The following NAPB variants were observed in gnomAD, a reference collection of about 807,000 sequenced individuals.
NAPB encodes the protein NSF attachment protein beta, also known as beta-soluble NSF attachment protein.
A neutral mutation model predicts 44.7 loss-of-function variants in NAPB; 26 were observed. The ratio of observed to expected loss-of-function variants is 0.58; its 90% CI spans 0.43 to 0.81. The LOEUF (loss-of-function observed/expected upper bound fraction) is 0.81. Among genes scored for constraint, NAPB ranks in the 30% least tolerant of loss-of-function variants. The pLI is 0.00. For missense variants in NAPB, 315 were observed against 356.4 expected (o/e 0.88, Z 0.94); for synonymous variants, 120 against 116.8 (o/e 1.03, Z -0.18).
chr20:23,388,734 T>G (rs1328772695), intron 7 of NAPB, among the ~76,000 whole-genome samples: 1 of 152,148 alleles, frequency 6.6e-6, no homozygotes, highest in African/African-American at 2.4e-5. Context: ...GACCCTTACC[T>G]CATACTATAT....
chr20:23,417,183 A>C (rs760213627), intron 1 of NAPB, among the ~76,000 whole-genome samples: 1 of 150,996 alleles, frequency 6.6e-6, no homozygotes, highest in Non-Finnish European at 1.5e-5. Context: ...TCCAAGGTTC[A>C]AGTGATTCTC....
intron 1 of NAPB, among the ~76,000 whole-genome samples, chr20:23,411,669 T>G (rs183652870): frequency 7.6e-4 from 115 of 151,614 alleles, no homozygotes; most frequent in Admixed American, 2.4e-3. Context: ...GAACAAGAGA[T>G]GTAGAACGTG....
At chr20:23,389,175 T>A (rs1368671409) in intron 7 of NAPB, among the ~76,000 whole-genome samples, 3 of 104,188 alleles carry the variant, frequency 2.9e-5, no homozygotes, top group South Asian at 3.0e-4. Flanking sequence ...ATTAGGGAAA[T>A]AACAATCAAA....
At chr20:23,391,272 T>C (rs1048260803) in intron 5 of NAPB, among the ~76,000 whole-genome samples, 8 of 152,066 alleles carry the variant, frequency 5.3e-5, no homozygotes, top group African/African-American at 1.9e-4. Flanking sequence ...GATCGCGCCA[T>C]TGCACTCCAG....
At chr20:23,402,466 A>T (rs6137933) in intron 2 of NAPB, among the ~76,000 whole-genome samples, 86,170 of 151,994 alleles carry the variant, frequency 0.57, 26,253 homozygotes, top group East Asian at 0.88. Flanking sequence ...AAAATAACCA[A>T]GAGTCTATTG....
Position 23,389,230 on chromosome 20 carries a change from T to TAAA in NAPB, c.561+715_561+716insTTT, listed in dbSNP as rs202242386. Among the ~76,000 whole-genome samples, 25 of 101,096 alleles carry TAAA rather than the reference T, an allele frequency of 2.5e-4. 1 individual carries two copies. The East Asian group carries it at 4.5e-3, about 18-fold the overall frequency. The allele number at this position is 101,096 out of a possible 152,430, so 66.3% of individuals were successfully genotyped here. ...TCACACTCATTAGGGTGACTATTAT[T>TAAA]TAAAAAAAAAAAAAAAAAAAAACCA... is the stretch of plus-strand genomic sequence containing the variant. On this transcript the variant is annotated intron_variant, in intron 7 of 10. Transcript: ENST00000377026.
chr20:23,413,010 G>A (rs190234909), intron 1 of NAPB, among the ~76,000 whole-genome samples: 1 of 152,048 alleles, frequency 6.6e-6, no homozygotes, highest in Admixed American at 6.5e-5. Flanking sequence ...AAGTGTACAT[G>A]GGTGCTGGGT....
chr20:23,414,501 C>A (rs752406046), intron 1 of NAPB, among the ~76,000 whole-genome samples: 1 of 152,050 alleles, frequency 6.6e-6, no homozygotes, highest in Non-Finnish European at 1.5e-5. Context: ...TTCAAAAAGG[C>A]CTTCAAAATA....
chr20:23,415,778 G>A (rs1471463596), intron 1 of NAPB, among the ~76,000 whole-genome samples: 1 of 152,042 alleles, frequency 6.6e-6, no homozygotes, highest in Non-Finnish European at 1.5e-5. Context: ...ACAAGCCTGG[G>A]CAACATAGCA....
intron 9 of NAPB, 48 bp from the exon 10 acceptor site, chr20:23,379,543 C>T: frequency 7.2e-7 from 1 of 1,388,116 alleles, no homozygotes; most frequent in Non-Finnish European, 1.0e-6. Context: ...AGATGAAGTC[C>T]CATTTCTAAA....
intron 8 of NAPB, 163 bp downstream of exon 8, chr20:23,381,049 TA>T: frequency 3.5e-6 from 2 of 579,000 alleles, no homozygotes. Context: ...TGACAGCTGT[TA>T]AAAGATTACA....
At chr20:23,416,482 C>A (rs1052021396) in intron 1 of NAPB, among the ~76,000 whole-genome samples, 1 of 152,018 alleles carries the variant, frequency 6.6e-6, no homozygotes, top group Admixed American at 6.6e-5. Flanking sequence ...CTAAAAAAAA[C>A]AAGTTCTGAG....
intron 3 of NAPB, among the ~76,000 whole-genome samples, chr20:23,396,577 AAAAC>A (rs1984381162): frequency 6.6e-6 from 1 of 152,222 alleles, no homozygotes; most frequent in African/African-American, 2.4e-5. Context: ...TTCTTTCCTC[AAAAC>A]AAATACTTTG....
At chr20:23,377,534 A>T in intron 10 of NAPB, 48 bp from the exon 11 acceptor site, 1 of 1,260,698 alleles carries the variant, frequency 7.9e-7, no homozygotes, top group Non-Finnish European at 1.1e-6. Context: ...AAATACATTA[A>T]AAACACAAAA....
intron 9 of NAPB, 88 bp downstream of exon 9, chr20:23,379,779 T>G: frequency 9.9e-7 from 1 of 1,005,788 alleles, no homozygotes; most frequent in Non-Finnish European, 1.5e-6. Context: ...CTTTATAGAT[T>G]AAAACTTCAC....
intron 1 of NAPB, among the ~76,000 whole-genome samples, chr20:23,413,843 T>C (rs1044471724): frequency 1.3e-5 from 2 of 149,894 alleles, no homozygotes; most frequent in African/African-American, 4.9e-5. Flanking sequence ...GAAATACCCA[T>C]CAAAAGCCCC....
chr20:23,383,352 A>G (rs1936013), intron 7 of NAPB, among the ~76,000 whole-genome samples: 37,786 of 152,010 alleles, frequency 0.25, 5,395 homozygotes, highest in Middle Eastern at 0.36. Flanking sequence ...AAAAATTATG[A>G]AAGTGTCTAG....
intron 3 of NAPB, among the ~76,000 whole-genome samples, chr20:23,396,556 A>T (rs1185801158): frequency 6.6e-6 from 1 of 152,242 alleles, no homozygotes; most frequent in Non-Finnish European, 1.5e-5. Context: ...CACATTAAAT[A>T]TCCAATTGCA....
intron 5 of NAPB, among the ~76,000 whole-genome samples, chr20:23,391,172 C>T (rs1264840137): frequency 9.2e-5 from 14 of 152,054 alleles, no homozygotes; most frequent in East Asian, 1.9e-4. Context: ...ATTAGCCGGG[C>T]GTGGTGTGGG....
Sources: gnomAD v4.1 joint callset for allele counts (sites outside exome capture counted in the v4.1 genomes callset) on GRCh38, gnomAD v4.1.1 for gene constraint, MANE v1.5 for transcripts, NCBI Gene and HGNC (gene_info 2026-07-23, HGNC 2026-07-21) for gene names.